The following ERCC4 variants were observed in gnomAD, a reference collection of about 807,000 sequenced individuals.
The protein encoded by ERCC4 is DNA repair endonuclease XPF.
A neutral mutation model predicts 76.9 loss-of-function variants in ERCC4; 65 were observed. The observed-to-expected ratio is 0.84, with a 90% CI of 0.69 to 1.04. ERCC4 has a LOEUF of 1.04. Ranked by LOEUF, ERCC4 falls within the 50% of genes least tolerant of loss-of-function variation. The pLI, the probability that ERCC4 is intolerant of heterozygous loss-of-function variation, is 0.00. For synonymous variants in ERCC4, 463 were observed against 410.1 expected (o/e 1.13, Z -1.56); for missense variants, 1,214 against 1,128.2 (o/e 1.08, Z -1.09).
rs938406746 is a variant in ERCC4, at chr16:13,949,306, C to G, written c.*959C>G. The G allele has an allele frequency of 2.1e-5, 5 of 233,854 alleles. No homozygotes were observed. Among genetic ancestry groups the G allele is most frequent in the African/African-American group, 1.1e-4 (5 of 45,332 alleles). 14.5% of individuals were successfully genotyped at this position (233,854 alleles called of 1,614,324 possible). On this transcript the variant is annotated 3_prime_UTR_variant, in exon 11 of 11. Coordinates refer to ENST00000311895, the MANE Select transcript of ERCC4 (RefSeq NM_005236.3). Reference sequence around the variant, plus strand: ...TTCTCAGCTCTTATATCCTAAGACACCAGCATCATATCCTCTAGAAATACA... The same window carrying G: ...TTCTCAGCTCTTATATCCTAAGACAGCAGCATCATATCCTCTAGAAATACA...
Position 13,947,958 on chromosome 16 carries a change from C to G in ERCC4, c.2362C>G (p.Leu788Val). The G allele has an allele frequency of 6.2e-7, 1 of 1,614,180 alleles. No individual in the cohort carries two copies. The highest frequency in any genetic ancestry group is 2.2e-5 in the East Asian group (1 of 44,880). ...EISSNDISSKLTLLTLHFPRL... is the reference protein window; with the variant it reads ...EISSNDISSKVTLLTLHFPRL... ...CTCCAGCAATGACATTAGTTCCAAA[C>G]TCACTCTTCTTACACTTCACTTCCC... is the stretch of plus-strand genomic sequence containing the variant. Residue 788 changes from leucine (L) to valine (V), a missense_variant, in exon 11 of 11, where the codon CTC (leucine) becomes GTC (valine). By Grantham distance (32) the Leu-to-Val change is conservative. Coordinates refer to ENST00000311895, the MANE Select transcript of ERCC4 (RefSeq NM_005236.3).
Position 13,922,150 on chromosome 16 carries a change from G to A in ERCC4, c.327G>A (p.Ala109=), listed in dbSNP as rs377085353. Reference sequence around the variant, plus strand: ...ACACACAAGGTGGTGTTATATTTGCGACAAGTAGGATACTTGTGGTTGACT... The same window carrying A: ...ACACACAAGGTGGTGTTATATTTGCAACAAGTAGGATACTTGTGGTTGACT... ...EVYTQGGVIF[A]TSRILVVDFL... The change falls in exon 2 of 11, where the codon GCG becomes GCA. Residue 109 remains alanine, a synonymous_variant. Transcript: ENST00000311895. The A allele has an allele frequency of 2.9e-5, 46 of 1,612,818 alleles. No homozygotes were observed. The highest frequency in any genetic ancestry group is 2.5e-4 in the African/African-American group (19 of 75,016).
At chr16:13,928,582 A>G (rs2032113798) in intron 4 of ERCC4, among the ~76,000 whole-genome samples, 1 of 152,324 alleles carries the variant, frequency 6.6e-6, no homozygotes, top group East Asian at 1.9e-4. Flanking sequence ...ATAATTGTAC[A>G]TGAATTTATG....
At chr16:13,940,199 C>T (rs2032385973) in intron 9 of ERCC4, among the ~76,000 whole-genome samples, 1 of 152,068 alleles carries the variant, frequency 6.6e-6, no homozygotes. Context: ...CCAGCCTGGC[C>T]AACATGGTGA....
At chr16:13,921,845 A>G (rs574996492) in intron 1 of ERCC4, among the ~76,000 whole-genome samples, 186 bp from the exon 2 acceptor site, 1 of 152,296 alleles carries the variant, frequency 6.6e-6, no homozygotes, top group Admixed American at 6.5e-5. Flanking sequence ...GTAAACCCCA[A>G]AACAAGAAAA....
chr16:13,939,571 C>T (rs766997842), intron 9 of ERCC4, among the ~76,000 whole-genome samples: 9 of 151,932 alleles, frequency 5.9e-5, no homozygotes, highest in African/African-American at 2.2e-4. Flanking sequence ...TGAACAAAGG[C>T]GTGCACGAAG....
At chr16:13,926,444 TA>T in intron 2 of ERCC4, 116 bp from the exon 3 acceptor site, 1 of 858,542 alleles carries the variant, frequency 1.2e-6, no homozygotes, top group Non-Finnish European at 2.0e-6. Context: ...TGCGTGGCTA[TA>T]TGCCCAGTCT....
Position 13,935,583 on chromosome 16 carries a change from C to A in ERCC4, c.1651C>A (p.Leu551Ile), listed in dbSNP as rs1567248147. Residue 551 changes from leucine to isoleucine, a missense_variant, in exon 8 of 11, where the codon CTC (leucine) becomes ATC (isoleucine). By Grantham distance (5) the Leu-to-Ile change is conservative. Coordinates refer to ENST00000311895, the MANE Select transcript of ERCC4 (RefSeq NM_005236.3). ...DAAFGILKEP[L>I]TIIHPLLGCS... is the part of the protein sequence containing the mutation. The stretch of plus-strand genomic sequence containing the variant: ...TGCTTTCGGAATCCTGAAAGAACCC[C>A]TCACTATCATCCATCCGCTTCTGGG... The A allele has an allele frequency of 6.2e-7, 1 of 1,614,052 alleles. No homozygotes were observed. The highest frequency in any genetic ancestry group is 1.3e-5 in the African/African-American group (1 of 74,918).
At chr16:13,944,505 G>A (rs558492338) in intron 9 of ERCC4, among the ~76,000 whole-genome samples, 1 of 136,152 alleles carries the variant, frequency 7.3e-6, no homozygotes, top group South Asian at 2.1e-4. Flanking sequence ...AAATCAAGAA[G>A]TAGTATCCGA....
chr16:13,949,338 T>A lies in ERCC4; in HGVS notation c.*991T>A. The A allele has an allele frequency of 4.3e-6, 1 of 233,684 alleles. No individual in the cohort carries two copies. The highest frequency in any genetic ancestry group is 8.5e-6 in the Non-Finnish European group (1 of 118,316). The allele number at this position is 233,684 out of a possible 1,614,324, so 14.5% of individuals were successfully genotyped here. A position where few individuals can be genotyped will look rare whatever the true frequency, so the allele number is the denominator to read the frequency against. On this transcript the variant is annotated 3_prime_UTR_variant, in exon 11 of 11. Transcript: ENST00000311895. ...CATATCCTCTAGAAATACAACCTAA[T>A]TGGCAGTGAGCCGAGATCGCACCAC...
chr16:13,936,912 CTT>C (rs1182142266), intron 8 of ERCC4, among the ~76,000 whole-genome samples: 2 of 138,052 alleles, frequency 1.4e-5, no homozygotes, highest in Non-Finnish European at 3.2e-5. Context: ...TTTTTTTTTC[CTT>C]TTTTTTTTTT....
In ERCC4 at chr16:13,920,382, C is replaced by G. The variant is rs2141937529; in HGVS notation, c.207+10C>G. Reference sequence around the variant, plus strand: ...GCAGCCGGCCGAGGAGGTGCGGCCGCGCTGGCGCGGGAGTGAGGGGACTCC... The same window carrying G: ...GCAGCCGGCCGAGGAGGTGCGGCCGGGCTGGCGCGGGAGTGAGGGGACTCC... On this transcript the variant is annotated intron_variant, in intron 1 of 10. Transcript: ENST00000311895. 1 of 1,558,984 alleles carries G rather than the reference C, an allele frequency of 6.4e-7. No individual in the cohort carries two copies. Among genetic ancestry groups the G allele is most frequent in the East Asian group, 2.4e-5 (1 of 42,362 alleles).
intron 8 of ERCC4, 85 bp from the exon 9 acceptor site, chr16:13,937,681 G>C: frequency 1.2e-6 from 1 of 827,430 alleles, no homozygotes; most frequent in Non-Finnish European, 2.1e-6. Context: ...AGCGCTCTAG[G>C]TTGCTGATTT....
At chr16:13,940,492 G>A (rs2032392460) in intron 9 of ERCC4, among the ~76,000 whole-genome samples, 1 of 152,204 alleles carries the variant, frequency 6.6e-6, no homozygotes, top group South Asian at 2.1e-4. Context: ...TCTCCCAGTG[G>A]AGTCACATGG....
Position 13,928,027 on chromosome 16 carries a change from G to A in ERCC4, c.585-1G>A, listed in dbSNP as rs763276174. The A allele has an allele frequency of 6.2e-7, 1 of 1,609,954 alleles. No individual in the cohort carries two copies. The highest frequency in any genetic ancestry group is 8.5e-7 in the Non-Finnish European group (1 of 1,177,014). On this transcript the variant is annotated splice_acceptor_variant, in intron 3 of 10. Transcript: ENST00000311895. LOFTEE classifies it high-confidence loss of function. ...TTGTTGAAAAATATTTGTCTCTTTA[G>A]GTTCCATGTAGCAGTAAACTCATTT...
chr16:13,924,046 C>A (rs905076116), intron 2 of ERCC4, among the ~76,000 whole-genome samples: 5 of 152,164 alleles, frequency 3.3e-5, no homozygotes, highest in African/African-American at 1.2e-4. Flanking sequence ...CAAAGCCCAC[C>A]GAATAATGAA....
At position 13,947,893 on chromosome 16, in the gene ERCC4, C is replaced by G. The variant is rs2032550384; in HGVS notation, c.2297C>G (p.Pro766Arg). Residue 766 changes from proline (P) to arginine (R), a missense_variant, in exon 11 of 11, where the codon CCT becomes CGT. Physicochemically the swap from Pro to Arg is moderately radical, Grantham distance 103. Transcript: ENST00000311895. ...VLLIEFDPSKPFSLTSRGALF... is the reference protein window; with the variant it reads ...VLLIEFDPSKRFSLTSRGALF... ...CTGATTGAGTTTGACCCTAGCAAGCCTTTCTCTCTCACTTCCCGAGGTGCC... is the reference window on the plus strand; with the variant it reads ...CTGATTGAGTTTGACCCTAGCAAGCGTTTCTCTCTCACTTCCCGAGGTGCC... 6.2e-7 allele frequency: 1 copy of G among 1,614,148 alleles called. No homozygotes were observed. Among genetic ancestry groups the G allele is most frequent in the Non-Finnish European group, 8.5e-7 (1 of 1,180,024 alleles).
rs941012957 is a variant in ERCC4, at chr16:13,922,200, A to T, written c.377A>T (p.Asp126Val). 3.1e-6 allele frequency: 5 copies of T among 1,603,732 alleles called. No individual in the cohort carries two copies. The African/African-American group carries it at 6.7e-5, about 21-fold the overall frequency. ...TTCTTGACTGATAGAATACCTTCAG[A>T]TTTAATTACTGGTAAGAATTTGAAA... ...VDFLTDRIPS[D>V]LITGILVYRA... Residue 126 changes from aspartate to valine, a missense_variant, in exon 2 of 11, where the codon GAT (aspartate) becomes GTT (valine). Coordinates refer to ENST00000311895, the MANE Select transcript of ERCC4 (RefSeq NM_005236.3).
At chr16:13,924,620 C>A (rs2032039839) in intron 2 of ERCC4, among the ~76,000 whole-genome samples, 1 of 152,170 alleles carries the variant, frequency 6.6e-6, no homozygotes, top group Non-Finnish European at 1.5e-5. Flanking sequence ...TCATCTTGCA[C>A]CAGCTGTGTA....
Sources: gnomAD v4.1 joint callset for allele counts (sites outside exome capture counted in the v4.1 genomes callset) on GRCh38, gnomAD v4.1.1 for gene constraint, MANE v1.5 for transcripts, NCBI Gene and HGNC (gene_info 2026-07-23, HGNC 2026-07-21) for gene names.